KAT6A: variants seen among roughly 807,000 people sequenced by gnomAD.
KAT6A encodes histone acetyltransferase KAT6A.
Under a neutral mutation model 198.4 loss-of-function variants are expected in KAT6A, and 9 were observed. That is an observed-to-expected ratio of 0.05 (90% CI 0.03 to 0.08). The LOEUF is 0.08. Ranked by LOEUF, KAT6A falls within the 10% of genes least tolerant of loss-of-function variation. The pLI, the probability that KAT6A is intolerant of heterozygous loss-of-function variation, is 1.00. For synonymous variants in KAT6A, 890 were observed against 883.0 expected, an observed-to-expected ratio of 1.01 and a Z score of -0.14; for missense variants, 2,077 against 2,509.9, an observed-to-expected ratio of 0.83 and a Z score of 3.69.
intron 9 of KAT6A, among the ~76,000 whole-genome samples, chr8:41,954,778 T>C (rs903476971): frequency 6.6e-6 from 1 of 152,156 alleles, no homozygotes; most frequent in African/African-American, 2.4e-5. Flanking sequence ...TGAAACCACT[T>C]TAGCTCCACC....
At chr8:42,025,896 T>C (rs978502635) in intron 2 of KAT6A, among the ~76,000 whole-genome samples, 1 of 152,202 alleles carries the variant, frequency 6.6e-6, no homozygotes, top group African/African-American at 2.4e-5. Context: ...CTTCAAGTAG[T>C]TTTACAGTTT....
At chr8:41,963,075 T>C (rs1358861053) in intron 8 of KAT6A, among the ~76,000 whole-genome samples, 1 of 152,220 alleles carries the variant, frequency 6.6e-6, no homozygotes, top group Non-Finnish European at 1.5e-5. Flanking sequence ...TGGCATACCA[T>C]TTATTTTAAC....
intron 3 of KAT6A, among the ~76,000 whole-genome samples, chr8:41,983,032 C>T (rs1376712306): frequency 6.6e-6 from 1 of 152,158 alleles, no homozygotes; most frequent in Non-Finnish European, 1.5e-5. Flanking sequence ...CAATTTAAGG[C>T]ATGCAAGCTA....
intron 2 of KAT6A, among the ~76,000 whole-genome samples, chr8:42,013,279 T>C (rs572212822): frequency 6.7e-6 from 1 of 148,800 alleles, no homozygotes; most frequent in South Asian, 2.1e-4. Flanking sequence ...TTTTTTTAGA[T>C]GGAGTCTCGC....
chr8:41,949,461 GTAACAGGT>G (rs1243892057), intron 9 of KAT6A, 98 bp from the exon 10 acceptor site: 4 of 841,670 alleles, frequency 4.8e-6, no homozygotes, highest in Non-Finnish European at 4.9e-6. Flanking sequence ...TACTACCCAG[GTAACAGGT>G]TAAAAAAAAA....
intron 2 of KAT6A, among the ~76,000 whole-genome samples, chr8:42,025,695 A>G (rs947111738): frequency 1.3e-5 from 2 of 152,090 alleles, no homozygotes; most frequent in South Asian, 2.1e-4. Flanking sequence ...TTTTCTCCCA[A>G]TCTACAGGTT....
intron 2 of KAT6A, among the ~76,000 whole-genome samples, chr8:42,029,430 T>C (rs1046325767): frequency 2.0e-5 from 3 of 152,116 alleles, no homozygotes; most frequent in African/African-American, 7.2e-5. Context: ...CATTATGGTG[T>C]CCCTCCCATA....
At chr8:41,973,853 T>A (rs117491586) in intron 8 of KAT6A, among the ~76,000 whole-genome samples, 1 of 152,264 alleles carries the variant, frequency 6.6e-6, no homozygotes, top group Non-Finnish European at 1.5e-5. Context: ...GGCCCCTCAA[T>A]GAATCCTCCT....
At chr8:41,990,651 C>T (rs529713863) in intron 2 of KAT6A, among the ~76,000 whole-genome samples, 4 of 152,212 alleles carry the variant, frequency 2.6e-5, no homozygotes, top group Non-Finnish European at 5.9e-5. Flanking sequence ...AATAGACTTT[C>T]GAGAATGGCT....
intron 8 of KAT6A, among the ~76,000 whole-genome samples, chr8:41,963,755 T>C (rs1823323047): frequency 6.6e-6 from 1 of 152,218 alleles, no homozygotes; most frequent in Admixed American, 6.5e-5. Flanking sequence ...TAGCTACTAC[T>C]TAACTACTTT....
chr8:41,970,966 G>GT (rs1823762308), intron 8 of KAT6A, among the ~76,000 whole-genome samples: 2 of 151,894 alleles, frequency 1.3e-5, no homozygotes, highest in Admixed American at 6.6e-5. Context: ...GCAAATTATT[G>GT]TAAGGACAAA....
chr8:41,948,781 C>T (rs1587729809), intron 10 of KAT6A, among the ~76,000 whole-genome samples: 1 of 78,100 alleles, frequency 1.3e-5, no homozygotes, highest in East Asian at 3.3e-4. Context: ...TGAAATTTTA[C>T]TGTTACAGTA....
At chr8:41,943,429 A>G (rs1822238563) in intron 13 of KAT6A, among the ~76,000 whole-genome samples, 1 of 152,106 alleles carries the variant, frequency 6.6e-6, no homozygotes, top group African/African-American at 2.4e-5. Flanking sequence ...ATTTTATTTA[A>G]TGACTGTTTC....
At chr8:41,955,501 A>C (rs1466759277) in intron 8 of KAT6A, 90 bp from the exon 9 acceptor site, 4 of 753,118 alleles carry the variant, frequency 5.3e-6, no homozygotes, top group Non-Finnish European at 8.9e-6. Flanking sequence ...TTGTCTTCTC[A>C]GGACTCCAAA....
intron 6 of KAT6A, 22 bp from the exon 7 acceptor site, chr8:41,977,349 A>T (rs769485024): frequency 6.4e-7 from 1 of 1,571,732 alleles, no homozygotes; most frequent in Non-Finnish European, 8.7e-7. Context: ...AACAGGGGAA[A>T]GGGTAAGTAT....
intron 12 of KAT6A, 86 bp downstream of exon 12, chr8:41,946,505 C>CAA (rs1822401589): frequency 1.7e-6 from 1 of 584,466 alleles, no homozygotes; most frequent in African/African-American, 2.6e-5. Flanking sequence ...CACACACACA[C>CAA]ACACACACAC....
intron 2 of KAT6A, among the ~76,000 whole-genome samples, chr8:42,021,048 T>C (rs1323266098): frequency 1.3e-5 from 2 of 152,102 alleles, no homozygotes; most frequent in African/African-American, 2.4e-5. Flanking sequence ...TTACTGTTCT[T>C]TTATTGAGGA....
At chr8:41,950,864 T>A (rs761973442) in intron 9 of KAT6A, among the ~76,000 whole-genome samples, 13 of 152,108 alleles carry the variant, frequency 8.5e-5, no homozygotes, top group Non-Finnish European at 1.6e-4. Flanking sequence ...GATAAATATA[T>A]ACAATTTTAT....
intron 2 of KAT6A, among the ~76,000 whole-genome samples, chr8:42,044,098 C>CTTTTT (rs36067311): frequency 4.7e-5 from 6 of 127,884 alleles, no homozygotes; most frequent in Non-Finnish European, 6.6e-5. Context: ...TGGGTAAAAA[C>CTTTTT]TTTTTTTTTT....
Sources: allele counts gnomAD v4.1 joint callset (sites outside exome capture counted in the v4.1 genomes callset), GRCh38; gene constraint gnomAD v4.1.1; transcripts MANE v1.5; gene names NCBI Gene and HGNC (gene_info 2026-07-23, HGNC 2026-07-21).